MYBPC1: variants seen among roughly 807,000 people sequenced by gnomAD.
MYBPC1 encodes myosin-binding protein C, slow-type.
Under a neutral mutation model 147.1 loss-of-function variants are expected in MYBPC1, and 52 were observed. That is an observed-to-expected ratio of 0.35 (90% confidence interval 0.28 to 0.45). The LOEUF (loss-of-function observed/expected upper bound fraction) is 0.45, where lower values mean the gene tolerates loss of function less well. MYBPC1 is among the 20% of genes least tolerant of loss of function. MYBPC1 has a pLI of 1.00. For synonymous variants in MYBPC1, 477 were observed against 475.9 expected (o/e 1.00, Z -0.03); for missense variants, 1,228 against 1,440.3 (o/e 0.85, Z 2.39).
intron 1 of MYBPC1, among the ~76,000 whole-genome samples, chr12:101,610,645 G>C (rs1883931343): frequency 6.6e-6 from 1 of 152,156 alleles, no homozygotes; most frequent in South Asian, 2.1e-4. Flanking sequence ...CCCTGAGTTA[G>C]GCTGTGCTAT....
At chr12:101,660,067 A>C in intron 19 of MYBPC1, 1 of 548,930 alleles carries the variant, frequency 1.8e-6, no homozygotes, top group Non-Finnish European at 3.3e-6. Flanking sequence ...TTTAAACATC[A>C]CTGAAACACA....
At chr12:101,673,846 A>C (rs1320528294) in intron 25 of MYBPC1, among the ~76,000 whole-genome samples, 5 of 152,192 alleles carry the variant, frequency 3.3e-5, no homozygotes, top group African/African-American at 1.2e-4. Flanking sequence ...TGGGGTCAGG[A>C]GTTCAAGACC....
chr12:101,671,337 A>T (rs909860964), intron 24 of MYBPC1, among the ~76,000 whole-genome samples: 44 of 95,720 alleles, frequency 4.6e-4, no homozygotes, highest in Non-Finnish European at 9.4e-4. Flanking sequence ...ACACACACAC[A>T]CTCACACACA....
At chr12:101,613,945 G>C (rs1418976013) in intron 1 of MYBPC1, among the ~76,000 whole-genome samples, 1 of 152,168 alleles carries the variant, frequency 6.6e-6, no homozygotes, top group South Asian at 2.1e-4. Context: ...TCTCATGCAG[G>C]CAGAACAATG....
the MYBPC1 span, among the ~76,000 whole-genome samples, chr12:101,694,751 T>C: frequency 1.1e-5 from 1 of 88,308 alleles, no homozygotes; most frequent in Non-Finnish European, 2.2e-5. Context: ...AGCTGACTAA[T>C]ACATCTGCTT....
chr12:101,636,635 A>G (rs372103113), intron 9 of MYBPC1, 37 bp from the exon 10 acceptor site: 32 of 1,598,330 alleles, frequency 2.0e-5, no homozygotes, highest in Non-Finnish European at 2.6e-6. Context: ...ATGTCTCTGC[A>G]TTAAACCCAG....
chr12:101,647,165 T>C, intron 13 of MYBPC1: 2 of 442,136 alleles, frequency 4.5e-6, no homozygotes, highest in South Asian at 4.3e-5. Flanking sequence ...GGATAATCCT[T>C]GTTTCACACA....
chr12:101,619,891 G>T (rs577041141), intron 3 of MYBPC1, among the ~76,000 whole-genome samples: 2 of 152,176 alleles, frequency 1.3e-5, no homozygotes, highest in East Asian at 3.8e-4. Flanking sequence ...GCTCAGAAAT[G>T]TTCTGAAAAT....
At chr12:101,639,787 C>A (rs549682734) in intron 10 of MYBPC1, among the ~76,000 whole-genome samples, 4 of 152,004 alleles carry the variant, frequency 2.6e-5, no homozygotes, top group Non-Finnish European at 5.9e-5. Flanking sequence ...TTATATCTAG[C>A]TTGATAGCTT....
At position 101,631,497 on chromosome 12, in the gene MYBPC1, C is replaced by T. The variant is rs544620086; in HGVS notation, c.290-74C>T. 84 of 1,520,118 alleles carry T rather than the reference C, an allele frequency of 5.5e-5. No homozygotes were observed. The African/African-American group carries it at 7.8e-4, about 14-fold the overall frequency. The allele number at this position is 1,520,118 out of a possible 1,614,324, so 94.2% of individuals were successfully genotyped here. ...CATATTCTGTAGTGCAGTCCCATGT[C>T]AACTCCTTCCAGTTGAAAGCAAAAC... On this transcript the variant is annotated intron_variant, in intron 6 of 31. Transcript: ENST00000361466.
At chr12:101,692,007 T>C in the MYBPC1 span, among the ~76,000 whole-genome samples, 1 of 152,158 alleles carries the variant, frequency 6.6e-6, no homozygotes, top group South Asian at 2.1e-4. Context: ...AGGCAGAATT[T>C]AAGTGTGGAA....
intron 1 of MYBPC1, among the ~76,000 whole-genome samples, chr12:101,610,613 T>C (rs1883921788): frequency 1.3e-5 from 2 of 152,322 alleles, no homozygotes; most frequent in East Asian, 3.9e-4. Context: ...CCCCTGTTAA[T>C]GCATTCATTC....
At chr12:101,613,072 T>C (rs150427041) in intron 1 of MYBPC1, among the ~76,000 whole-genome samples, 10 of 152,306 alleles carry the variant, frequency 6.6e-5, no homozygotes, top group African/African-American at 2.4e-4. Flanking sequence ...TAGTAAATAG[T>C]AATAAACTTA....
chr12:101,637,668 G>A (rs564794971), intron 10 of MYBPC1, among the ~76,000 whole-genome samples: 1 of 152,034 alleles, frequency 6.6e-6, no homozygotes, highest in South Asian at 2.1e-4. Flanking sequence ...TGCTTTCTAT[G>A]GTTATTAAAA....
At chr12:101,596,963 A>G (rs1319206363) in intron 1 of MYBPC1, among the ~76,000 whole-genome samples, 1 of 152,204 alleles carries the variant, frequency 6.6e-6, no homozygotes, top group African/African-American at 2.4e-5. Context: ...AGAGTTACTG[A>G]TATATTTAAA....
chr12:101,648,197 T>A (rs762428381), intron 14 of MYBPC1, 47 bp downstream of exon 14: 8 of 1,064,900 alleles, frequency 7.5e-6, no homozygotes, highest in Admixed American at 3.5e-5. Flanking sequence ...GACAAAAAAA[T>A]TGGACCTTCA....
chr12:101,666,906 C>T (rs952043675), intron 22 of MYBPC1: 5 of 576,532 alleles, frequency 8.7e-6, no homozygotes, highest in East Asian at 4.4e-5. Flanking sequence ...CACACACACA[C>T]ACACACACAC....
At chr12:101,673,925 C>T (rs921995020) in intron 25 of MYBPC1, among the ~76,000 whole-genome samples, 3 of 152,014 alleles carry the variant, frequency 2.0e-5, no homozygotes, top group African/African-American at 7.3e-5. Context: ...TGGTGGCGTG[C>T]ACCTGTAATC....
chr12:101,631,472 C>A, intron 6 of MYBPC1, 99 bp from the exon 7 acceptor site: 2 of 1,319,888 alleles, frequency 1.5e-6, no homozygotes, highest in Non-Finnish European at 2.2e-6. Context: ...CCAATCACAC[C>A]ATATTCTGTA....
Sources: allele counts gnomAD v4.1 joint callset (sites outside exome capture counted in the v4.1 genomes callset), GRCh38; gene constraint gnomAD v4.1.1; transcripts MANE v1.5; gene names NCBI Gene and HGNC (gene_info 2026-07-23, HGNC 2026-07-21).